The following TENM3 variants were observed in gnomAD, a reference collection of about 807,000 sequenced individuals.
TENM3 encodes teneurin-3.
TENM3 carries 63 observed loss-of-function variants against 255.1 expected under a neutral mutation model. The observed-to-expected ratio is 0.25, with a 90% CI of 0.20 to 0.30. TENM3 has a LOEUF of 0.30. Ranked by LOEUF, TENM3 falls within the 10% of genes least tolerant of loss-of-function variation. TENM3 has a pLI of 1.00. For missense variants in TENM3, 2,929 were observed against 3,461.1 expected (o/e 0.85, Z 3.86); for synonymous variants, 1,306 against 1,322.3 (o/e 0.99, Z 0.27).
At chr4:182,326,566 G>A (rs28557146) in intron 2 of TENM3, among the ~76,000 whole-genome samples, 2 of 151,760 alleles carry the variant, frequency 1.3e-5, no homozygotes, top group South Asian at 2.1e-4. Flanking sequence ...TGACAAGCTC[G>A]GTCTGTTGCC....
intron 1 of TENM3, among the ~76,000 whole-genome samples, chr4:182,314,622 CTT>C (rs1561310918): frequency 6.6e-6 from 1 of 152,110 alleles, no homozygotes; most frequent in Admixed American, 6.5e-5. Context: ...TTAGAATTCT[CTT>C]TTTTCATTCA....
the TENM3 span, among the ~76,000 whole-genome samples, chr4:181,628,104 T>C: frequency 1.7e-4 from 26 of 152,362 alleles, no homozygotes; most frequent in African/African-American, 6.0e-4. Flanking sequence ...TGAGCATTTT[T>C]TCATGTGTCT....
At chr4:182,170,428 A>G (rs1337568690) in intron 1 of TENM3, among the ~76,000 whole-genome samples, 3 of 152,176 alleles carry the variant, frequency 2.0e-5, no homozygotes, top group Non-Finnish European at 2.9e-5. Context: ...TTGGCAAATT[A>G]GCAGATTTGT....
the TENM3 span, among the ~76,000 whole-genome samples, chr4:181,682,465 T>C: frequency 6.6e-6 from 1 of 152,296 alleles, no homozygotes. Context: ...GTTGGTCCCA[T>C]GACCCCTCTA....
the TENM3 span, among the ~76,000 whole-genome samples, chr4:181,796,552 G>T: frequency 1.3e-5 from 2 of 152,160 alleles, no homozygotes; most frequent in African/African-American, 4.8e-5. Context: ...TATGCCAGAG[G>T]CAGGGACATG....
At chr4:182,335,294 C>T (rs991459174) in intron 2 of TENM3, among the ~76,000 whole-genome samples, 1 of 68,102 alleles carries the variant, frequency 1.5e-5, no homozygotes, top group Non-Finnish European at 3.4e-5. Context: ...GTCAGGAGAT[C>T]GAGACCATCC....
At chr4:181,539,758 T>C in the TENM3 span, among the ~76,000 whole-genome samples, 2 of 152,218 alleles carry the variant, frequency 1.3e-5, no homozygotes, top group Non-Finnish European at 2.9e-5. Flanking sequence ...TAATCCTAGA[T>C]TTTTATATCA....
At chr4:181,473,619 GA>G in the TENM3 span, among the ~76,000 whole-genome samples, 111 of 144,564 alleles carry the variant, frequency 7.7e-4, no homozygotes, top group African/African-American at 2.2e-3. Context: ...AAAATGAAAT[GA>G]AAAAAAAAAT....
the TENM3 span, among the ~76,000 whole-genome samples, chr4:181,630,201 T>A: frequency 0.09 from 13,632 of 152,268 alleles, 647 homozygotes; most frequent in East Asian, 0.14. Flanking sequence ...TACCATTTTT[T>A]ATTGTGTCTA....
chr4:182,708,025 G>T (rs747627082), intron 12 of TENM3: 6 of 149,298 alleles, frequency 4.0e-5, no homozygotes, highest in Non-Finnish European at 7.4e-5. Context: ...ATCTCCAAGA[G>T]ACGACATTGT....
At chr4:182,169,111 G>A (rs1751930545) in intron 1 of TENM3, among the ~76,000 whole-genome samples, 1 of 107,668 alleles carries the variant, frequency 9.3e-6, no homozygotes, top group African/African-American at 3.4e-5. Context: ...ACACGTGGGT[G>A]TGAATGAATG....
intron 3 of TENM3, among the ~76,000 whole-genome samples, chr4:182,357,526 T>C (rs1415168164): frequency 6.7e-6 from 1 of 149,706 alleles, no homozygotes; most frequent in African/African-American, 2.4e-5. Flanking sequence ...TTTTGAGAAG[T>C]GTCTGTTCAT....
chr4:181,599,913 G>C, the TENM3 span, among the ~76,000 whole-genome samples: 1 of 151,848 alleles, frequency 6.6e-6, no homozygotes, highest in East Asian at 1.9e-4. Context: ...TAGACAATTC[G>C]CAATAACTTA....
intron 3 of TENM3, among the ~76,000 whole-genome samples, chr4:182,368,396 A>G (rs1190365911): frequency 6.6e-6 from 1 of 152,220 alleles, no homozygotes; most frequent in Non-Finnish European, 1.5e-5. Flanking sequence ...TGTCCTGACC[A>G]GTGGGCCCTT....
At chr4:182,514,459 G>A (rs1056163067) in intron 3 of TENM3, among the ~76,000 whole-genome samples, 2 of 152,284 alleles carry the variant, frequency 1.3e-5, no homozygotes, top group Non-Finnish European at 2.9e-5. Flanking sequence ...AGACATCCAT[G>A]TAGAAATATC....
At position 182,799,383 on chromosome 4, in the gene TENM3, T is replaced by A. The variant is rs957457658; in HGVS notation, c.7345-213T>A. 6.6e-6 allele frequency among the ~76,000 whole-genome samples: 1 copy of A among 152,160 alleles called. No homozygotes were observed. Among genetic ancestry groups the A allele is most frequent in the Non-Finnish European group, 1.5e-5 (1 of 68,028 alleles). ...AAGCTTTAAAGTGATCCACGATGAG[T>A]GAGCCATTTGGGGGTTCCAGAGCAT... On this transcript the variant is annotated intron_variant, in intron 27 of 27. Coordinates refer to ENST00000511685, the MANE Select transcript of TENM3 (RefSeq NM_001080477.4). This position sits in a 1 kb window ranked among gnomAD's most constrained non-coding sequence, Gnocchi z 4.2.
the TENM3 span, among the ~76,000 whole-genome samples, chr4:181,844,667 C>CAAAAA: frequency 6.7e-6 from 1 of 149,516 alleles, no homozygotes; most frequent in Non-Finnish European, 1.5e-5. Flanking sequence ...GACTCCGTCT[C>CAAAAA]AAAAAAATAA....
At chr4:182,728,363 A>G (rs994026646) in intron 13 of TENM3, among the ~76,000 whole-genome samples, 3 of 152,184 alleles carry the variant, frequency 2.0e-5, no homozygotes, top group African/African-American at 7.2e-5. Context: ...ACTTACAACT[A>G]ATCCATATTC....
chr4:181,555,525 ATTC>A, the TENM3 span, among the ~76,000 whole-genome samples: 4 of 152,254 alleles, frequency 2.6e-5, no homozygotes, highest in Admixed American at 2.6e-4. Context: ...AACAAATAAA[ATTC>A]TTCAATATAA....
Sources: allele counts gnomAD v4.1 joint callset (sites outside exome capture counted in the v4.1 genomes callset), GRCh38; gene constraint gnomAD v4.1.1; non-coding constraint Gnocchi (gnomAD v3.1); transcripts MANE v1.5; gene names NCBI Gene and HGNC (gene_info 2026-07-23, HGNC 2026-07-21).